Variants in SGK1 observed in about 807,000 individuals in gnomAD.
SGK1 encodes serum/glucocorticoid regulated kinase 1, also known as serine/threonine-protein kinase Sgk1.
In SGK1, 26 loss-of-function variants were observed where a neutral mutation model predicts 64.2. The observed-to-expected ratio is 0.40, with a 90% CI of 0.30 to 0.56. The LOEUF (loss-of-function observed/expected upper bound fraction) is 0.56. Ranked by LOEUF, SGK1 falls within the 20% of genes least tolerant of loss-of-function variation. The pLI is 0.38. For missense variants in SGK1, 519 were observed against 645.6 expected, an observed-to-expected ratio of 0.80 and a Z score of 2.12; for synonymous variants, 265 against 239.7, an observed-to-expected ratio of 1.11 and a Z score of -0.98.
chr6:134,189,512 A>G (rs1775475777), intron 3 of SGK1, among the ~76,000 whole-genome samples: 1 of 152,208 alleles, frequency 6.6e-6, no homozygotes, highest in Admixed American at 6.5e-5. Context: ...TGTTTATACA[A>G]TTTTGCTTAA....
rs35039086 is a variant in SGK1 at position 134,290,150 on chromosome 6, CAAAAAAAAAAAA to C, written c.69+27230_69+27241del. Among the ~76,000 whole-genome samples, 4 of 75,940 alleles carry C rather than the reference CAAAAAAAAAAAA, an allele frequency of 5.3e-5. No homozygotes were observed. The South Asian group carries it at 1.4e-3, about 27-fold the overall frequency. 49.8% of individuals were successfully genotyped at this position (75,940 alleles called of 152,430 possible). A position where few individuals can be genotyped will look rare whatever the true frequency, so the allele number is the denominator to read the frequency against. ...GGGCAACAAGAGCAAAGCTCCTTCTCAAAAAAAAAAAAAAAAAAAAAAAATTAGCTATGCATG... is the reference window on the plus strand; with the variant it reads ...GGGCAACAAGAGCAAAGCTCCTTCTCAAAAAAAAAAAATTAGCTATGCATG... On this transcript the variant is annotated intron_variant, in intron 1 of 13. Coordinates refer to ENST00000367858, the MANE Select transcript of SGK1 (RefSeq NM_001143676.3).
chr6:134,216,906 C>T (rs975917903), intron 2 of SGK1, among the ~76,000 whole-genome samples: 6 of 152,148 alleles, frequency 3.9e-5, no homozygotes, highest in African/African-American at 1.4e-4. Flanking sequence ...CAAAACTCAA[C>T]AAGGCACATT....
chr6:134,174,103 T>G (rs985676075), intron 4 of SGK1, 23 bp from the exon 5 acceptor site: 1 of 1,590,910 alleles, frequency 6.3e-7, no homozygotes, highest in African/African-American at 1.3e-5. Context: ...AAGGGCACGA[T>G]TTAGAATCCA....
At chr6:134,273,896 T>G (rs1047976491) in intron 1 of SGK1, among the ~76,000 whole-genome samples, 1 of 152,098 alleles carries the variant, frequency 6.6e-6, no homozygotes, top group African/African-American at 2.4e-5. Flanking sequence ...TGGGCTCCAG[T>G]GATTCTCCTG....
At chr6:134,253,753 A>T (rs1776640428) in intron 2 of SGK1, among the ~76,000 whole-genome samples, 1 of 152,180 alleles carries the variant, frequency 6.6e-6, no homozygotes, top group Non-Finnish European at 1.5e-5. Flanking sequence ...CAGTAACCTT[A>T]TATTTAATTA....
chr6:134,207,041 C>T (rs893311791), intron 3 of SGK1, among the ~76,000 whole-genome samples: 40 of 151,902 alleles, frequency 2.6e-4, no homozygotes, highest in East Asian at 1.6e-3. Flanking sequence ...CTGGCTGACA[C>T]GGTGAAACAC....
intron 1 of SGK1, among the ~76,000 whole-genome samples, chr6:134,263,666 A>C (rs555414402): frequency 6.6e-5 from 10 of 152,198 alleles, no homozygotes; most frequent in Non-Finnish European, 1.5e-4. Context: ...TACAGAAAGA[A>C]GTATAAAGCT....
intron 1 of SGK1, among the ~76,000 whole-genome samples, chr6:134,272,127 C>T (rs1444128615): frequency 2.2e-5 from 3 of 139,458 alleles, no homozygotes; most frequent in African/African-American, 7.8e-5. Context: ...CAGGCATGAG[C>T]CACCGTGCCC....
At chr6:134,180,026 T>C (rs1342358837) in intron 3 of SGK1, among the ~76,000 whole-genome samples, 1 of 152,188 alleles carries the variant, frequency 6.6e-6, no homozygotes, top group Non-Finnish European at 1.5e-5. Context: ...CAGTCACAGC[T>C]CACTGCAGCC....
At chr6:134,274,903 T>C (rs938921428) in intron 1 of SGK1, among the ~76,000 whole-genome samples, 1 of 152,110 alleles carries the variant, frequency 6.6e-6, no homozygotes, top group African/African-American at 2.4e-5. Flanking sequence ...CCTTCCAGGT[T>C]CAAGTGAATC....
intron 3 of SGK1, among the ~76,000 whole-genome samples, chr6:134,206,992 G>A (rs1245095745): frequency 1.1e-4 from 17 of 151,640 alleles, no homozygotes; most frequent in South Asian, 4.1e-4. Context: ...TTGGGAGGCC[G>A]AGGCGGGCGA....
chr6:134,170,521 GT>G, intron 13 of SGK1, 86 bp from the exon 14 acceptor site: 1 of 1,293,116 alleles, frequency 7.7e-7, no homozygotes, highest in Non-Finnish European at 1.1e-6. Context: ...TAAATACCAA[GT>G]TTAAGTCTTA....
At chr6:134,231,006 G>A (rs151229242) in intron 2 of SGK1, among the ~76,000 whole-genome samples, 47 of 152,118 alleles carry the variant, frequency 3.1e-4, no homozygotes, top group African/African-American at 1.0e-3. Flanking sequence ...AGAGAAAGAC[G>A]CTGACTCAAA....
At chr6:134,261,607 C>G in intron 2 of SGK1, 1 of 570,566 alleles carries the variant, frequency 1.8e-6, no homozygotes, top group Non-Finnish European at 3.1e-6. Flanking sequence ...GAATGTATAA[C>G]ACCAAGAGTG....
chr6:134,237,058 C>CTTTTT (rs56379518), intron 2 of SGK1, among the ~76,000 whole-genome samples: 5 of 138,354 alleles, frequency 3.6e-5, no homozygotes, highest in East Asian at 2.1e-4. Context: ...TTTTCTTTTT[C>CTTTTT]TTTTTTTTTT....
intron 3 of SGK1, among the ~76,000 whole-genome samples, chr6:134,203,046 C>T (rs1381822627): frequency 6.6e-6 from 1 of 152,074 alleles, no homozygotes; most frequent in Non-Finnish European, 1.5e-5. Context: ...GAGATCGAGG[C>T]CAGCCTGGCC....
chr6:134,229,450 T>C (rs1776242946), intron 2 of SGK1, among the ~76,000 whole-genome samples: 1 of 152,246 alleles, frequency 6.6e-6, no homozygotes, highest in Non-Finnish European at 1.5e-5. Context: ...ATCTCATCCT[T>C]GTTCCATTTA....
At chr6:134,275,100 C>A (rs993524066) in intron 1 of SGK1, among the ~76,000 whole-genome samples, 4 of 151,820 alleles carry the variant, frequency 2.6e-5, no homozygotes, top group Non-Finnish European at 5.9e-5. Flanking sequence ...TGAGCCACAG[C>A]GCCTGGCCAT....
intron 3 of SGK1, among the ~76,000 whole-genome samples, chr6:134,197,483 G>A: frequency 6.6e-6 from 1 of 152,082 alleles, no homozygotes; most frequent in Non-Finnish European, 1.5e-5. Context: ...AAGAATATCA[G>A]CAGCTATTGT....
Sources: allele counts gnomAD v4.1 joint callset (sites outside exome capture counted in the v4.1 genomes callset), GRCh38; gene constraint gnomAD v4.1.1; transcripts MANE v1.5; gene names NCBI Gene and HGNC (gene_info 2026-07-23, HGNC 2026-07-21).